The following TEX36 variants were observed in gnomAD, a reference collection of about 807,000 sequenced individuals.
TEX36 encodes the protein testis expressed 36, also known as testis-expressed protein 36.
Under a neutral mutation model 13.6 loss-of-function variants are expected in TEX36, and 12 were observed. The observed-to-expected ratio is 0.88, with a 90% CI of 0.56 to 1.43. TEX36 has a LOEUF of 1.43. Among genes scored for constraint, TEX36 ranks in the 40% most tolerant of loss-of-function variants. The pLI, the probability that TEX36 is intolerant of heterozygous loss-of-function variation, is 0.00. For synonymous variants in TEX36, 93 were observed against 83.0 expected (o/e 1.12, Z -0.65); for missense variants, 224 against 228.3 (o/e 0.98, Z 0.12).
At chr10:125,649,430 C>G (rs112721243) in intron 3 of TEX36, among the ~76,000 whole-genome samples, 5,170 of 152,242 alleles carry the variant, frequency 0.034, 271 homozygotes, top group African/African-American at 0.11. Context: ...GAAATAAAAT[C>G]CTTTACAGAC....
At chr10:125,660,297 T>C (rs1484706418) in intron 3 of TEX36, among the ~76,000 whole-genome samples, 1 of 152,030 alleles carries the variant, frequency 6.6e-6, no homozygotes, top group Non-Finnish European at 1.5e-5. Context: ...GTTAATTTTT[T>C]AATGTTTTGT....
At chr10:125,601,390 A>G (rs1357717221) in intron 3 of TEX36, among the ~76,000 whole-genome samples, 1 of 152,238 alleles carries the variant, frequency 6.6e-6, no homozygotes, top group Non-Finnish European at 1.5e-5. Flanking sequence ...TTCTCTCCCA[A>G]CCTTTTAGCC....
At chr10:125,666,791 C>G (rs576580506) in intron 1 of TEX36, 1 of 243,242 alleles carries the variant, frequency 4.1e-6, no homozygotes, top group East Asian at 1.1e-4. Flanking sequence ...GCAAGCCAAC[C>G]TGGAGACCTG....
At chr10:125,657,662 A>G (rs1846970041) in intron 3 of TEX36, among the ~76,000 whole-genome samples, 1 of 152,186 alleles carries the variant, frequency 6.6e-6, no homozygotes, top group Admixed American at 6.5e-5. Context: ...CAGAAAGAAA[A>G]GAATCTGCAA....
At chr10:125,621,271 A>G (rs1846426950), downstream of TEX36, among the ~76,000 whole-genome samples, 1 of 152,190 alleles carries the variant, frequency 6.6e-6, no homozygotes, top group African/African-American at 2.4e-5. Flanking sequence ...TTGAGGAGCC[A>G]TCGTGTGTTA....
downstream of TEX36, among the ~76,000 whole-genome samples, chr10:125,617,398 T>G (rs1410827914): frequency 6.6e-6 from 1 of 152,248 alleles, no homozygotes; most frequent in African/African-American, 2.4e-5. Context: ...TCTTTACATT[T>G]TGGCATGATT....
intron 3 of TEX36, among the ~76,000 whole-genome samples, chr10:125,635,919 C>G (rs1046005566): frequency 3.9e-5 from 6 of 151,986 alleles, no homozygotes; most frequent in Non-Finnish European, 7.4e-5. Flanking sequence ...TGTCACCCAG[C>G]CTCGAGTGCA....
At chr10:125,612,104 C>T (rs2365824) in intron 3 of TEX36, among the ~76,000 whole-genome samples, 145 of 128,494 alleles carry the variant, frequency 1.1e-3, no homozygotes, top group South Asian at 1.9e-3. Flanking sequence ...TTTTTTTTTT[C>T]AGACAGAGTC....
intron 3 of TEX36, among the ~76,000 whole-genome samples, chr10:125,639,268 T>C (rs1846655109): frequency 6.6e-6 from 1 of 152,200 alleles, no homozygotes. Context: ...TTAATAAAAT[T>C]ATAATGATGA....
chr10:125,627,677 C>A (rs1415802650), intron 3 of TEX36, among the ~76,000 whole-genome samples: 1 of 152,160 alleles, frequency 6.6e-6, no homozygotes, highest in African/African-American at 2.4e-5. Flanking sequence ...TTTTGTTCAA[C>A]AAATATACAA....
chr10:125,666,326 CTGTGGGTT>C (rs1847121170), intron 1 of TEX36, among the ~76,000 whole-genome samples: 1 of 152,156 alleles, frequency 6.6e-6, no homozygotes, highest in Non-Finnish European at 1.5e-5. Flanking sequence ...ATGATGTTAG[CTGTGGGTT>C]GGCTGTATAT....
At chr10:125,576,850 G>C in exon 4 of TEX36, 1 of 1,536,144 alleles carries the variant, frequency 6.5e-7, no homozygotes, top group South Asian at 1.2e-5. Flanking sequence ...GGTTCTCCCT[G>C]TGGGTCCGTT....
downstream of TEX36, among the ~76,000 whole-genome samples, chr10:125,650,916 G>A (rs557287760): frequency 6.6e-6 from 1 of 152,196 alleles, no homozygotes; most frequent in African/African-American, 2.4e-5. Flanking sequence ...ATAAACTCCT[G>A]GACACATACA....
chr10:125,618,542 G>A (rs1010098872), downstream of TEX36, among the ~76,000 whole-genome samples: 32 of 152,042 alleles, frequency 2.1e-4, no homozygotes, highest in East Asian at 7.8e-4. Context: ...TGGAGTACCC[G>A]GCTGTGTGAG....
downstream of TEX36, among the ~76,000 whole-genome samples, chr10:125,619,122 T>A (rs1846396823): frequency 6.6e-6 from 1 of 151,030 alleles, no homozygotes; most frequent in Admixed American, 6.6e-5. Flanking sequence ...AGTGCGAGAC[T>A]CCATCTCAAA....
At chr10:125,628,017 G>A (rs941513222) in intron 3 of TEX36, among the ~76,000 whole-genome samples, 1 of 152,220 alleles carries the variant, frequency 6.6e-6, no homozygotes, top group Non-Finnish European at 1.5e-5. Flanking sequence ...TCCAAATTTA[G>A]TATGCCTACA....
chr10:125,595,983 T>C (rs1589746420), intron 3 of TEX36, among the ~76,000 whole-genome samples: 1 of 152,238 alleles, frequency 6.6e-6, no homozygotes, highest in Non-Finnish European at 1.5e-5. Context: ...GAAATCTCAC[T>C]TATAAAGTTA....
intron 3 of TEX36, among the ~76,000 whole-genome samples, chr10:125,624,522 T>C (rs760761558): frequency 1.3e-5 from 2 of 152,046 alleles, no homozygotes; most frequent in Non-Finnish European, 2.9e-5. Flanking sequence ...GGGTCATGAC[T>C]GGTGGGGCTG....
At chr10:125,633,106 A>G (rs1846578684) in intron 3 of TEX36, among the ~76,000 whole-genome samples, 1 of 152,118 alleles carries the variant, frequency 6.6e-6, no homozygotes, top group Admixed American at 6.5e-5. Context: ...TCTGGGTGAC[A>G]GAATGAGACC....
Sources: allele counts gnomAD v4.1 joint callset (sites outside exome capture counted in the v4.1 genomes callset), GRCh38; gene constraint gnomAD v4.1.1; transcripts MANE v1.5; gene names NCBI Gene and HGNC (gene_info 2026-07-23, HGNC 2026-07-21).